The following SPTLC3 variants were observed in gnomAD, a reference collection of about 807,000 sequenced individuals.
The protein encoded by SPTLC3 is serine palmitoyltransferase long chain base subunit 3.
SPTLC3 carries 36 observed loss-of-function variants against 59.3 expected under a neutral mutation model. The ratio of observed to expected loss-of-function variants is 0.61; its 90% CI spans 0.47 to 0.80. SPTLC3 has a LOEUF of 0.80. Ranked by LOEUF, SPTLC3 falls within the 30% of genes least tolerant of loss-of-function variation. SPTLC3 has a pLI of 0.00. For synonymous variants in SPTLC3, 257 were observed against 240.8 expected, an observed-to-expected ratio of 1.07 and a Z score of -0.62; for missense variants, 625 against 685.1, an observed-to-expected ratio of 0.91 and a Z score of 0.98.
chr20:13,017,534 G>A (rs1985592828), intron 1 of SPTLC3, among the ~76,000 whole-genome samples: 1 of 152,152 alleles, frequency 6.6e-6, no homozygotes, highest in Non-Finnish European at 1.5e-5. Flanking sequence ...TCGACATGTG[G>A]CCTGCAGGCT....
intron 1 of SPTLC3, among the ~76,000 whole-genome samples, chr20:13,025,238 A>C (rs1463586338): frequency 1.3e-5 from 2 of 152,194 alleles, no homozygotes; most frequent in African/African-American, 4.8e-5. Flanking sequence ...TTCAAATTTC[A>C]CATATAATGA....
At chr20:13,041,298 T>C (rs1469106942) in intron 1 of SPTLC3, among the ~76,000 whole-genome samples, 1 of 152,116 alleles carries the variant, frequency 6.6e-6, no homozygotes, top group Non-Finnish European at 1.5e-5. Flanking sequence ...TTTTTTTGTT[T>C]GTTTGTATTT....
chr20:13,021,915 A>G (rs1985908301), intron 1 of SPTLC3, among the ~76,000 whole-genome samples: 1 of 152,220 alleles, frequency 6.6e-6, no homozygotes, highest in Non-Finnish European at 1.5e-5. Flanking sequence ...ATAAGTAGAT[A>G]GATGTATAAA....
chr20:13,074,392 T>C lies in SPTLC3; in HGVS notation c.502T>C (p.Tyr168His), dbSNP rs1988564220. ...CAAAGATGTCATCAACATGGGCTCCTATAACTTCCTTGGTCTTGCAGCCAA... is the reference window on the plus strand; with the variant it reads ...CAAAGATGTCATCAACATGGGCTCCCATAACTTCCTTGGTCTTGCAGCCAA... ...VIKDVINMGS[Y>H]NFLGLAAKYD... Residue 168 changes from tyrosine to histidine, a missense_variant, in exon 4 of 12, where the codon TAT becomes CAT. Tyr to His is a moderately conservative substitution (Grantham distance 83). Coordinates refer to ENST00000399002, the MANE Select transcript of SPTLC3 (RefSeq NM_018327.4). The C allele has an allele frequency of 6.2e-7, 1 of 1,613,996 alleles. No individual in the cohort carries two copies. Among genetic ancestry groups the C allele is most frequent in the Non-Finnish European group, 8.5e-7 (1 of 1,179,972 alleles).
At chr20:13,088,413 C>T (rs1417301578) in intron 4 of SPTLC3, among the ~76,000 whole-genome samples, 2 of 152,240 alleles carry the variant, frequency 1.3e-5, no homozygotes, top group African/African-American at 2.4e-5. Context: ...CAGCTCACTA[C>T]AAGCTCCGCC....
chr20:13,155,652 C>T (rs1291029196), intron 10 of SPTLC3, among the ~76,000 whole-genome samples: 1 of 152,018 alleles, frequency 6.6e-6, no homozygotes, highest in Non-Finnish European at 1.5e-5. Flanking sequence ...TGGTGAAACC[C>T]CGTGTCTACA....
intron 2 of SPTLC3, among the ~76,000 whole-genome samples, chr20:13,058,326 AACAG>A (rs932678737): frequency 2.5e-4 from 38 of 152,344 alleles, no homozygotes; most frequent in African/African-American, 8.4e-4. Flanking sequence ...TCTTGTCCAA[AACAG>A]ACAGCCCAGG....
At chr20:13,139,268 T>G (rs2038324286) in intron 9 of SPTLC3, among the ~76,000 whole-genome samples, 1 of 152,196 alleles carries the variant, frequency 6.6e-6, no homozygotes, top group South Asian at 2.1e-4. Context: ...TAAAGGGGTA[T>G]TGGGATTTTG....
At chr20:13,108,593 G>A (rs1454887611) in intron 6 of SPTLC3, among the ~76,000 whole-genome samples, 1 of 151,558 alleles carries the variant, frequency 6.6e-6, no homozygotes, top group Non-Finnish European at 1.5e-5. Context: ...TTTTCACTTT[G>A]AGACAGAGTC....
chr20:13,162,486 T>C (rs535006172), intron 11 of SPTLC3, among the ~76,000 whole-genome samples: 2 of 152,296 alleles, frequency 1.3e-5, no homozygotes, highest in Admixed American at 1.3e-4. Flanking sequence ...AGTTCCTTAA[T>C]GTACATGTAA....
intron 1 of SPTLC3, among the ~76,000 whole-genome samples, chr20:13,043,012 A>G (rs1010685772): frequency 6.6e-6 from 1 of 152,128 alleles, no homozygotes; most frequent in African/African-American, 2.4e-5. Context: ...AACACCATAT[A>G]ATGTTTAAAG....
chr20:13,098,229 C>A (rs919980673), intron 6 of SPTLC3, among the ~76,000 whole-genome samples: 2 of 152,098 alleles, frequency 1.3e-5, no homozygotes, highest in African/African-American at 4.8e-5. Flanking sequence ...ATACCCTATT[C>A]TTAAAGAAGA....
intron 1 of SPTLC3, among the ~76,000 whole-genome samples, chr20:13,023,143 A>G (rs1175972266): frequency 2.0e-5 from 3 of 151,824 alleles, no homozygotes; most frequent in Non-Finnish European, 4.4e-5. Context: ...CTTCACTCAC[A>G]TAGCACCTTC....
intron 2 of SPTLC3, among the ~76,000 whole-genome samples, chr20:13,052,774 G>A (rs1006675249): frequency 6.6e-6 from 1 of 152,128 alleles, no homozygotes; most frequent in African/African-American, 2.4e-5. Context: ...CAAAGCAGTG[G>A]GGAAGTTCAA....
intron 8 of SPTLC3, among the ~76,000 whole-genome samples, chr20:13,122,114 C>T (rs1309072132): frequency 2.6e-5 from 4 of 152,204 alleles, no homozygotes; most frequent in African/African-American, 9.6e-5. Flanking sequence ...CCCTGGCCAC[C>T]TTTCCTCCAT....
intron 6 of SPTLC3, among the ~76,000 whole-genome samples, chr20:13,093,962 T>C (rs1436192119): frequency 1.3e-5 from 2 of 152,194 alleles, no homozygotes; most frequent in African/African-American, 2.4e-5. Flanking sequence ...AAAATTAGCC[T>C]GTTCCTTAGA....
chr20:13,121,551 T>C (rs538061690), intron 8 of SPTLC3, among the ~76,000 whole-genome samples: 2 of 152,258 alleles, frequency 1.3e-5, no homozygotes, highest in Non-Finnish European at 2.9e-5. Context: ...AACTTCCAAA[T>C]GGACGTGGAA....
At position 13,147,795 on chromosome 20, in the gene SPTLC3, C is replaced by T. The variant is rs78372261; in HGVS notation, c.1280-6208C>T. On this transcript the variant is annotated intron_variant, in intron 9 of 11. Transcript: ENST00000399002. ...TGCAGTCTGTATTCTGGACAGTGGT[C>T]ATATGCTAAATAATTGAAGGAGGGA... 1.4e-3 allele frequency among the ~76,000 whole-genome samples: 215 copies of T among 152,292 alleles called. 6 individuals carry two copies. In the East Asian group the frequency reaches 0.036, roughly 26 times the overall value.
chr20:13,024,020 T>C (rs1030976016), intron 1 of SPTLC3, among the ~76,000 whole-genome samples: 3 of 152,166 alleles, frequency 2.0e-5, no homozygotes, highest in African/African-American at 7.2e-5. Flanking sequence ...GAATGACCCA[T>C]ATATGAGACG....
Sources: gnomAD v4.1 joint callset for allele counts (sites outside exome capture counted in the v4.1 genomes callset) on GRCh38, gnomAD v4.1.1 for gene constraint, MANE v1.5 for transcripts, NCBI Gene and HGNC (gene_info 2026-07-23, HGNC 2026-07-21) for gene names.